Variants in TVP23C observed in about 807,000 individuals in gnomAD.
The protein encoded by TVP23C is trans-golgi network vesicle protein 23 homolog C, also known as Golgi apparatus membrane protein TVP23 homolog C.
Under a neutral mutation model 28.7 loss-of-function variants are expected in TVP23C, and 19 were observed. That is an observed-to-expected ratio of 0.66 (90% CI 0.46 to 0.97). The LOEUF is 0.97. Among genes scored for constraint, TVP23C ranks in the 50% least tolerant of loss-of-function variants. The pLI, the probability that TVP23C is intolerant of heterozygous loss-of-function variation, is 0.00. For synonymous variants in TVP23C, 68 were observed against 81.7 expected, an observed-to-expected ratio of 0.83 and a Z score of 0.90; for missense variants, 186 against 241.3, an observed-to-expected ratio of 0.77 and a Z score of 1.52.
At chr17:15,504,373 G>A (rs1981627194) in intron 5 of TVP23C, among the ~76,000 whole-genome samples, 1 of 152,188 alleles carries the variant, frequency 6.6e-6, no homozygotes, top group Non-Finnish European at 1.5e-5. Flanking sequence ...CAGAATTGAA[G>A]TCGTGGTCAT....
At chr17:15,554,902 A>G (rs1484232916) in intron 2 of TVP23C, among the ~76,000 whole-genome samples, 1 of 152,258 alleles carries the variant, frequency 6.6e-6, no homozygotes, top group Non-Finnish European at 1.5e-5. Flanking sequence ...TTTGCTTTCG[A>G]TAAGTGAATT....
chr17:15,503,587 A>ATC (rs991419122), intron 5 of TVP23C: 1 of 164,494 alleles, frequency 6.1e-6, no homozygotes, highest in African/African-American at 2.4e-5. Flanking sequence ...GCATGTCGAA[A>ATC]AATTGGTGAC....
intron 5 of TVP23C, among the ~76,000 whole-genome samples, chr17:15,528,693 C>T (rs952195517): frequency 6.6e-6 from 1 of 151,650 alleles, no homozygotes; most frequent in Non-Finnish European, 1.5e-5. Flanking sequence ...GAAGCTTCCA[C>T]CTCCCGAGTT....
intron 2 of TVP23C, among the ~76,000 whole-genome samples, chr17:15,554,700 A>G (rs1257995441): frequency 6.6e-6 from 1 of 152,154 alleles, no homozygotes; most frequent in Admixed American, 6.5e-5. Context: ...CTTTGCACCC[A>G]CTGGCAGTCA....
chr17:15,561,804 G>A (rs1984411043), intron 1 of TVP23C, among the ~76,000 whole-genome samples: 1 of 152,162 alleles, frequency 6.6e-6, no homozygotes, highest in Non-Finnish European at 1.5e-5. Flanking sequence ...CTACTGGGCT[G>A]CATTCCCAGA....
chr17:15,549,633 TCACAC>T (rs893110549), intron 3 of TVP23C, among the ~76,000 whole-genome samples: 3 of 150,700 alleles, frequency 2.0e-5, no homozygotes, highest in African/African-American at 7.4e-5. Flanking sequence ...TGAGCCAAGA[TCACAC>T]CACTGCATTC....
chr17:15,544,126 A>C (rs1393762207), intron 5 of TVP23C, among the ~76,000 whole-genome samples: 4 of 152,074 alleles, frequency 2.6e-5, no homozygotes, highest in African/African-American at 7.2e-5. Context: ...GCCTGGCCTC[A>C]GACTTCTCCA....
chr17:15,506,875 C>T lies in TVP23C; in HGVS notation c.463-3643G>A, dbSNP rs140058893. ...GAACACACTATCAGCCGTGGTCAACCCCACCATGTTCTTCAACATCGCCAT... is the reference window on the plus strand; with the variant it reads ...GAACACACTATCAGCCGTGGTCAACTCCACCATGTTCTTCAACATCGCCAT... On this transcript the variant is annotated intron_variant, in intron 5 of 5. Coordinates refer to the TVP23C transcript ENST00000225576. The T allele has an allele frequency of 2.1e-3, 1,659 of 774,676 alleles. 12 individuals carry two copies. Among genetic ancestry groups the T allele is most frequent in the South Asian group, 9.8e-3 (720 of 73,148 alleles). 48.0% of individuals were successfully genotyped at this position (774,676 alleles called of 1,614,324 possible).
At chr17:15,555,200 C>G in intron 2 of TVP23C, 82 bp downstream of exon 2, 1 of 1,587,506 alleles carries the variant, frequency 6.3e-7, no homozygotes, top group Non-Finnish European at 8.6e-7. Flanking sequence ...AACAACTCTG[C>G]CTTGACTCCC....
exon 6 of TVP23C, chr17:15,502,950 C>T (rs779115373): frequency 1.2e-6 from 2 of 1,613,994 alleles, no homozygotes; most frequent in Non-Finnish European, 1.7e-6. Context: ...CCCCTCCAGG[C>T]CCAAAGCCGC....
rs143242414 is a variant in TVP23C, at chr17:15,519,117, C to T, written c.463-15885G>A. Among the ~76,000 whole-genome samples the T allele has an allele frequency of 2.1e-4, 32 of 152,222 alleles. No homozygotes were observed. The South Asian group carries it at 2.9e-3, about 14-fold the overall frequency. On this transcript the variant is annotated intron_variant, in intron 5 of 5. Coordinates refer to the TVP23C transcript ENST00000225576. ...AGCCATGCAGAACTGTCCACTACAC[C>T]GCTTCTTTTTATAAATTACCCAGTC...
At position 15,506,951 on chromosome 17, in the gene TVP23C, T is replaced by C; in HGVS notation, c.463-3719A>G. The C allele has an allele frequency of 2.5e-6, 3 of 1,212,210 alleles. No individual in the cohort carries two copies. In the South Asian group the frequency reaches 3.6e-5, roughly 15 times the overall value. The allele number at this position is 1,212,210 out of a possible 1,614,324, so 75.1% of individuals were successfully genotyped here. A position where few individuals can be genotyped will look rare whatever the true frequency, so the allele number is the denominator to read the frequency against. Reference sequence around the variant, plus strand: ...TCCTTTGAGCTGTTTGCAAACAAGATTCCAAAGACGGCAGAAAACTTTCAT... The same window carrying C: ...TCCTTTGAGCTGTTTGCAAACAAGACTCCAAAGACGGCAGAAAACTTTCAT... On this transcript the variant is annotated intron_variant, in intron 5 of 5. Transcript: ENST00000225576.
At chr17:15,530,953 G>A (rs942832648) in intron 5 of TVP23C, 2 of 152,168 alleles carry the variant, frequency 1.3e-5, no homozygotes, top group Non-Finnish European at 1.5e-5. Context: ...ATGTTGCCCA[G>A]GCTGGTCTCA....
intron 4 of TVP23C, 127 bp downstream of exon 4, chr17:15,546,932 T>C (rs1983671378): frequency 5.6e-6 from 5 of 898,628 alleles, no homozygotes; most frequent in Non-Finnish European, 6.6e-6. Context: ...CCATCTCCTT[T>C]AGTGCTGACA....
intron 3 of TVP23C, among the ~76,000 whole-genome samples, chr17:15,552,009 T>C (rs1012837268): frequency 3.3e-5 from 5 of 152,154 alleles, no homozygotes; most frequent in African/African-American, 1.2e-4. Context: ...TTTTAAGCTC[T>C]TGTTTAAAAA....
rs556288895 is a variant in TVP23C at position 15,538,873 on chromosome 17, T to G, written c.*1539A>C. On this transcript the variant is annotated 3_prime_UTR_variant, in exon 6 of 6. Transcript: ENST00000518321. Reference sequence around the variant, plus strand: ...CCACAGTAAAGGTATATTGGAGCCATGCAAAAATCCTTCAGAATGAGATGA... The same window carrying G: ...CCACAGTAAAGGTATATTGGAGCCAGGCAAAAATCCTTCAGAATGAGATGA... 1 of 985,844 alleles carries G rather than the reference T, an allele frequency of 1.0e-6. No homozygotes were observed. The highest frequency in any genetic ancestry group is 1.7e-5 in the African/African-American group (1 of 57,356). The allele number at this position is 985,844 out of a possible 1,614,324, so 61.1% of individuals were successfully genotyped here. A position where few individuals can be genotyped will look rare whatever the true frequency, so the allele number is the denominator to read the frequency against.
exon 6 of TVP23C, chr17:15,502,721 T>TCC: frequency 9.9e-7 from 1 of 1,013,866 alleles, no homozygotes; most frequent in Non-Finnish European, 1.3e-6. Context: ...CTCTCTCTCC[T>TCC]CTCTCTCTCT....
At chr17:15,502,809 CCTCTCTCTCT>C (rs57432478) in exon 6 of TVP23C, 65 of 1,415,626 alleles carry the variant, frequency 4.6e-5, no homozygotes, top group Middle Eastern at 4.5e-4. Context: ...TCCTCTCTCT[CCTCTCTCTCT>C]CTCTCTCTCT....
chr17:15,535,841 A>G (rs1385724142), downstream of TVP23C, among the ~76,000 whole-genome samples: 2 of 152,216 alleles, frequency 1.3e-5, no homozygotes, highest in African/African-American at 2.4e-5. Flanking sequence ...TGAGCAACAG[A>G]GAAGCCAGAA....
Sources: allele counts gnomAD v4.1 joint callset (sites outside exome capture counted in the v4.1 genomes callset), GRCh38; gene constraint gnomAD v4.1.1; transcripts MANE v1.5; gene names NCBI Gene and HGNC (gene_info 2026-07-23, HGNC 2026-07-21).